TAF15: variants seen among roughly 807,000 people sequenced by gnomAD.
The protein encoded by TAF15 is TATA-binding protein-associated factor 2N.
TAF15 carries 37 observed loss-of-function variants against 102.5 expected under a neutral mutation model. The observed-to-expected ratio is 0.36, with a 90% CI of 0.28 to 0.47. TAF15 has a LOEUF of 0.47. Among genes scored for constraint, TAF15 ranks in the 20% least tolerant of loss-of-function variants. The pLI is 0.99. For synonymous variants in TAF15, 273 were observed against 259.2 expected (o/e 1.05, Z -0.51); for missense variants, 652 against 760.7 (o/e 0.86, Z 1.68).
chr17:35,836,214 G>A lies in TAF15; in HGVS notation c.756G>A (p.Glu252=), dbSNP rs1171087717. 5 of 1,612,316 alleles carry A rather than the reference G, an allele frequency of 3.1e-6. No homozygotes were observed. The highest frequency in any genetic ancestry group is 4.2e-6 in the Non-Finnish European group (5 of 1,178,552). ...GTGTGTCTACAGATCAAGTTGGGGA[G>A]TTCTTTAAACAAATAGGAATTATCA... ...GEGVSTDQVG[E]FFKQIGIIKT... is the part of the protein sequence containing the mutation. The change falls in exon 10 of 16, where the codon GAG becomes GAA. Residue 252 remains glutamate, a synonymous_variant. Transcript: ENST00000605844.
At chr17:35,824,425 T>G (rs1598528579) in intron 7 of TAF15, 1 of 560,128 alleles carries the variant, frequency 1.8e-6, no homozygotes, top group East Asian at 3.1e-5. Context: ...ATGTGGTACA[T>G]GTTAAACACC....
rs181390350 is a variant in TAF15, at chr17:35,840,813, G to A, written c.914-1554G>A. On this transcript the variant is annotated intron_variant, in intron 11 of 15. Coordinates refer to ENST00000605844, the MANE Select transcript of TAF15 (RefSeq NM_139215.3). ...CGGGAGTTGGAGGTTGCAGTGAGCC[G>A]AGATCACGCCACTGTACTCCAGCCT... Among the ~76,000 whole-genome samples the A allele has an allele frequency of 2.8e-3, 422 of 151,910 alleles. 5 individuals are homozygous for A. Among genetic ancestry groups the A allele is most frequent in the African/African-American group, 9.9e-3 (409 of 41,460 alleles).
chr17:35,829,065 A>G (rs1232064341), intron 7 of TAF15, among the ~76,000 whole-genome samples: 1 of 151,978 alleles, frequency 6.6e-6, no homozygotes, highest in Non-Finnish European at 1.5e-5. Flanking sequence ...GGAGAATAGT[A>G]CTTAAATCCA....
chr17:35,818,191 G>T (rs1380806091), intron 2 of TAF15, among the ~76,000 whole-genome samples: 1 of 152,148 alleles, frequency 6.6e-6, no homozygotes, highest in African/African-American at 2.4e-5. Context: ...CGCCTCGCAG[G>T]TTCACGCCAT....
At chr17:35,825,071 A>G (rs1033576794) in intron 7 of TAF15, among the ~76,000 whole-genome samples, 2 of 152,220 alleles carry the variant, frequency 1.3e-5, no homozygotes, top group Non-Finnish European at 2.9e-5. Flanking sequence ...CTTATCAGTC[A>G]TATATCAGCA....
chr17:35,822,886 A>G lies in TAF15; in HGVS notation c.484+53A>G, dbSNP rs1323054957. On this transcript the variant is annotated intron_variant, in intron 6 of 15. Coordinates refer to ENST00000605844, the MANE Select transcript of TAF15 (RefSeq NM_139215.3). ...TTTTCCCCCTCTCAGAATTATTTGTATGAATTTCTGATTAAAAGAACCACA... is the reference window on the plus strand; with the variant it reads ...TTTTCCCCCTCTCAGAATTATTTGTGTGAATTTCTGATTAAAAGAACCACA... 4.4e-6 allele frequency: 7 copies of G among 1,601,342 alleles called. No individual in the cohort carries two copies. The African/African-American group carries it at 5.4e-5, about 12-fold the overall frequency.
At chr17:35,842,581 A>C in intron 12 of TAF15, 122 bp downstream of exon 12, 1 of 758,976 alleles carries the variant, frequency 1.3e-6, no homozygotes, top group Non-Finnish European at 2.3e-6. Context: ...TTTTCCCTCT[A>C]TCTTAAAATG....
intron 1 of TAF15, among the ~76,000 whole-genome samples, chr17:35,813,486 A>T (rs1284003806): frequency 6.6e-6 from 1 of 152,070 alleles, no homozygotes; most frequent in African/African-American, 2.4e-5. Context: ...TACAAAAAAG[A>T]TCAGCTGAAT....
rs546265641 is a variant in TAF15 at position 35,827,330 on chromosome 17, C to T, written c.605+3132C>T. Among the ~76,000 whole-genome samples the T allele has an allele frequency of 5.6e-3, 812 of 143,932 alleles. 2 individuals are homozygous for T. The highest frequency in any genetic ancestry group is 9.5e-3 in the Non-Finnish European group (628 of 66,096). 94.4% of individuals were successfully genotyped at this position (143,932 alleles called of 152,430 possible). On this transcript the variant is annotated intron_variant, in intron 7 of 15. Transcript: ENST00000605844. ...CAACCTGGGCAACAGAGCAAGACTC[C>T]GTCGCAAAAAAAAAAAAAAAAATAG...
intron 7 of TAF15, among the ~76,000 whole-genome samples, chr17:35,827,635 T>G (rs2087347501): frequency 6.6e-6 from 1 of 151,090 alleles, no homozygotes; most frequent in Non-Finnish European, 1.5e-5. Context: ...GACCTGGGAG[T>G]TGGTGGTTGC....
Position 35,844,267 on chromosome 17 carries a change from C to T in TAF15, c.1089-13C>T. 12 of 1,613,778 alleles carry T rather than the reference C, an allele frequency of 7.4e-6. No homozygotes were observed. Among genetic ancestry groups the T allele is most frequent in the Non-Finnish European group, 1.0e-5 (12 of 1,179,666 alleles). ...AAACTATATAGGAGCATTATATTTT[C>T]CTCCTTTCTTAGGTCATGCGGAAAT... On this transcript the variant is annotated splice_polypyrimidine_tract_variant and intron_variant, in intron 13 of 15. Transcript: ENST00000605844.
intron 7 of TAF15, among the ~76,000 whole-genome samples, chr17:35,829,334 T>A (rs2087369780): frequency 6.6e-6 from 1 of 151,084 alleles, no homozygotes; most frequent in Admixed American, 6.6e-5. Flanking sequence ...TATTTTTTTT[T>A]TTATTAAAAG....
At chr17:35,839,057 G>A (rs1156518196) in intron 11 of TAF15, among the ~76,000 whole-genome samples, 1 of 151,922 alleles carries the variant, frequency 6.6e-6, no homozygotes, top group South Asian at 2.1e-4. Flanking sequence ...GTTCAGCTCA[G>A]GAGTTGGAGA....
At chr17:35,826,754 G>T (rs531516929) in intron 7 of TAF15, among the ~76,000 whole-genome samples, 1 of 144,768 alleles carries the variant, frequency 6.9e-6, no homozygotes, top group Admixed American at 6.9e-5. Flanking sequence ...TTTAAGTAGT[G>T]ATGGGGTTTC....
chr17:35,833,380 T>G (rs1295460669), intron 7 of TAF15: 1 of 154,960 alleles, frequency 6.5e-6, no homozygotes, highest in Non-Finnish European at 1.4e-5. Flanking sequence ...TTTTATTCAG[T>G]CTCAACTTTT....
intron 11 of TAF15, among the ~76,000 whole-genome samples, chr17:35,841,121 C>T (rs2087537826): frequency 6.6e-6 from 1 of 152,146 alleles, no homozygotes; most frequent in African/African-American, 2.4e-5. Context: ...CAAATCTTGC[C>T]AATTCTTATT....
intron 7 of TAF15, among the ~76,000 whole-genome samples, chr17:35,829,327 T>TA (rs2087369680): frequency 6.7e-6 from 1 of 148,562 alleles, no homozygotes; most frequent in African/African-American, 2.5e-5. Flanking sequence ...TTTTTATTAT[T>TA]TTTTTTTTTA....
At chr17:35,815,498 T>A (rs1258491197) in intron 1 of TAF15, among the ~76,000 whole-genome samples, 1 of 152,226 alleles carries the variant, frequency 6.6e-6, no homozygotes, top group Non-Finnish European at 1.5e-5. Flanking sequence ...AGGGCTGAAA[T>A]GACTGGGTTA....
chr17:35,816,956 A>G (rs2087203192), intron 1 of TAF15: 2 of 150,938 alleles, frequency 1.3e-5, no homozygotes, highest in African/African-American at 4.9e-5. Context: ...AGTAGCTGGG[A>G]CTACAGGCAC....
Sources: allele counts gnomAD v4.1 joint callset (sites outside exome capture counted in the v4.1 genomes callset), GRCh38; gene constraint gnomAD v4.1.1; transcripts MANE v1.5; gene names NCBI Gene and HGNC (gene_info 2026-07-23, HGNC 2026-07-21).